The following ADAM18 variants were observed in gnomAD, a reference collection of about 807,000 sequenced individuals.
ADAM18 encodes disintegrin and metalloproteinase domain-containing protein 18.
ADAM18 carries 117 observed loss-of-function variants against 94.4 expected under a neutral mutation model. The ratio of observed to expected loss-of-function variants is 1.24; its 90% CI spans 1.07 to 1.45. The LOEUF (loss-of-function observed/expected upper bound fraction) is 1.45, where lower values mean the gene tolerates loss of function less well. ADAM18 is among the 40% of genes most tolerant of loss of function. The pLI, the probability that ADAM18 is intolerant of heterozygous loss-of-function variation, is 0.00. For synonymous variants in ADAM18, 327 were observed against 291.6 expected, an observed-to-expected ratio of 1.12 and a Z score of -1.24; for missense variants, 936 against 880.0, an observed-to-expected ratio of 1.06 and a Z score of -0.81.
At chr8:39,595,219 T>C (rs1001019201) in intron 2 of ADAM18, among the ~76,000 whole-genome samples, 1 of 152,192 alleles carries the variant, frequency 6.6e-6, no homozygotes, top group Non-Finnish European at 1.5e-5. Flanking sequence ...ATTTTTATTT[T>C]GGTAACTTTG....
intron 12 of ADAM18, among the ~76,000 whole-genome samples, chr8:39,650,230 C>T (rs1820495636): frequency 6.6e-6 from 1 of 152,102 alleles, no homozygotes; most frequent in Non-Finnish European, 1.5e-5. Context: ...TATTCAGTCA[C>T]TTTGAAAACC....
chr8:39,656,410 C>T (rs943692185), intron 12 of ADAM18, among the ~76,000 whole-genome samples: 9 of 151,966 alleles, frequency 5.9e-5, no homozygotes, highest in East Asian at 3.9e-4. Context: ...CAAAAAATGA[C>T]GCTGGGACAA....
intron 17 of ADAM18, among the ~76,000 whole-genome samples, chr8:39,704,241 A>G (rs1822165189): frequency 6.6e-6 from 1 of 152,176 alleles, no homozygotes; most frequent in Admixed American, 6.5e-5. Flanking sequence ...AAAATCTGGC[A>G]GACACACAAC....
At chr8:39,708,671 C>A (rs76120878) in intron 18 of ADAM18, among the ~76,000 whole-genome samples, 2,978 of 152,288 alleles carry the variant, frequency 0.02, 91 homozygotes, top group African/African-American at 0.068. Context: ...GTTCTCAACT[C>A]CTTGCAGGAG....
chr8:39,726,050 C>T (rs1002361643), intron 19 of ADAM18, among the ~76,000 whole-genome samples: 3 of 151,954 alleles, frequency 2.0e-5, no homozygotes, highest in African/African-American at 7.3e-5. Context: ...ACTATGTTAA[C>T]CTAAGATGTA....
intron 10 of ADAM18, among the ~76,000 whole-genome samples, chr8:39,642,979 C>T (rs1408961603): frequency 1.3e-5 from 2 of 152,008 alleles, no homozygotes; most frequent in Non-Finnish European, 2.9e-5. Flanking sequence ...GTTTGTGATG[C>T]TCCTTGTAGA....
chr8:39,693,096 G>T (rs892488920), intron 17 of ADAM18, among the ~76,000 whole-genome samples: 1 of 151,286 alleles, frequency 6.6e-6, no homozygotes, highest in Non-Finnish European at 1.5e-5. Context: ...GCAACTTCAC[G>T]CAAAAAGCTT....
chr8:39,702,558 G>T (rs943044642), intron 17 of ADAM18, among the ~76,000 whole-genome samples: 5 of 151,884 alleles, frequency 3.3e-5, no homozygotes, highest in African/African-American at 9.7e-5. Flanking sequence ...AATCTTTTCC[G>T]GTGCCTATGT....
At position 39,663,910 on chromosome 8, in the gene ADAM18, T is replaced by C. The variant is rs2129580099; in HGVS notation, c.1326+20T>C. On this transcript the variant is annotated intron_variant, in intron 13 of 19. Transcript: ENST00000265707. The stretch of plus-strand genomic sequence containing the variant: ...TGTGAGGTAAGTTACTAACATTCAT[T>C]AAAAGCAAATTGAACTGTGGTAAGA... The C allele has an allele frequency of 6.6e-7, 1 of 1,525,004 alleles. No homozygotes were observed. Among genetic ancestry groups the C allele is most frequent in the East Asian group, 2.3e-5 (1 of 44,216 alleles). The allele number at this position is 1,525,004 out of a possible 1,614,324, so 94.5% of individuals were successfully genotyped here. A position where few individuals can be genotyped will look rare whatever the true frequency, so the allele number is the denominator to read the frequency against.
At chr8:39,673,816 C>T (rs1821223061) in intron 14 of ADAM18, among the ~76,000 whole-genome samples, 2 of 152,072 alleles carry the variant, frequency 1.3e-5, no homozygotes, top group African/African-American at 4.8e-5. Context: ...AATTCTGGTA[C>T]GTTTTATCTT....
chr8:39,701,623 G>C (rs1822082200), intron 17 of ADAM18, among the ~76,000 whole-genome samples: 1 of 152,014 alleles, frequency 6.6e-6, no homozygotes, highest in African/African-American at 2.4e-5. Context: ...TATTTCTCCT[G>C]ACCCACTCCT....
intron 19 of ADAM18, among the ~76,000 whole-genome samples, chr8:39,724,911 A>C (rs2129581927): frequency 6.6e-6 from 1 of 151,118 alleles, no homozygotes; most frequent in South Asian, 2.1e-4. Context: ...TCTGATCACA[A>C]AATATACTTC....
At chr8:39,718,956 T>A (rs929577795) in intron 18 of ADAM18, among the ~76,000 whole-genome samples, 1 of 151,312 alleles carries the variant, frequency 6.6e-6, no homozygotes, top group African/African-American at 2.4e-5. Flanking sequence ...TCTGTCAAAA[T>A]CATCCATCAG....
At position 39,667,991 on chromosome 8, in the gene ADAM18, C is replaced by T. The variant is rs1821037422; in HGVS notation, c.1327-7C>T. On this transcript the variant is annotated splice_region_variant and splice_polypyrimidine_tract_variant and intron_variant, in intron 13 of 19. Transcript: ENST00000265707. ...GAACTTAATTTTATTTTTCCTTTTCCTCCCAGTTGTCAATAGCAGGCACTC... is the reference window on the plus strand; with the variant it reads ...GAACTTAATTTTATTTTTCCTTTTCTTCCCAGTTGTCAATAGCAGGCACTC... 1 of 1,610,514 alleles carries T rather than the reference C, an allele frequency of 6.2e-7. No individual in the cohort carries two copies. The highest frequency in any genetic ancestry group is 8.5e-7 in the Non-Finnish European group (1 of 1,178,198).
intron 6 of ADAM18, among the ~76,000 whole-genome samples, chr8:39,614,849 A>C (rs1819390760): frequency 1.3e-5 from 2 of 152,206 alleles, no homozygotes; most frequent in African/African-American, 4.8e-5. Flanking sequence ...AACAACAATA[A>C]AAATGGACAA....
At chr8:39,609,238 T>C (rs1819187445) in intron 4 of ADAM18, 118 bp downstream of exon 4, 1 of 807,320 alleles carries the variant, frequency 1.2e-6, no homozygotes, top group Non-Finnish European at 1.9e-6. Context: ...TACTGACTTT[T>C]GTACATAGAA....
intron 6 of ADAM18, among the ~76,000 whole-genome samples, chr8:39,620,659 A>T (rs28847161): frequency 2.7e-5 from 4 of 147,746 alleles, no homozygotes; most frequent in Non-Finnish European, 6.0e-5. Context: ...GTTATATATA[A>T]AAATATAACT....
chr8:39,663,598 CA>C (rs10597769), intron 12 of ADAM18, among the ~76,000 whole-genome samples, 196 bp from the exon 13 acceptor site: 2,347 of 19,556 alleles, frequency 0.12, 3 homozygotes, highest in African/African-American at 0.15. Context: ...AATCCTGTCT[CA>C]AAAAAAAAAA....
At chr8:39,719,393 C>A (rs1043697575) in intron 18 of ADAM18, among the ~76,000 whole-genome samples, 1 of 151,086 alleles carries the variant, frequency 6.6e-6, no homozygotes, top group Non-Finnish European at 1.5e-5. Flanking sequence ...AAGAGAAATC[C>A]TCAGGGACTT....
Sources: gnomAD v4.1 joint callset for allele counts (sites outside exome capture counted in the v4.1 genomes callset) on GRCh38, gnomAD v4.1.1 for gene constraint, MANE v1.5 for transcripts, NCBI Gene and HGNC (gene_info 2026-07-23, HGNC 2026-07-21) for gene names.